RARB: variants seen among roughly 807,000 people sequenced by gnomAD.
The protein encoded by RARB is retinoic acid receptor beta, also known as HBV-activated protein.
Under a neutral mutation model 51.9 loss-of-function variants are expected in RARB, and 17 were observed. The observed-to-expected ratio is 0.33, with a 90% CI of 0.22 to 0.49. The LOEUF (loss-of-function observed/expected upper bound fraction) is 0.49. Ranked by LOEUF, RARB falls within the 20% of genes least tolerant of loss-of-function variation. RARB has a pLI of 0.99. For missense variants in RARB, 369 were observed against 550.8 expected (o/e 0.67, Z 3.30); for synonymous variants, 215 against 195.4 (o/e 1.10, Z -0.84).
chr3:25,356,301 AT>A (rs1705731746), intron 5 of RARB, among the ~76,000 whole-genome samples: 1 of 152,144 alleles, frequency 6.6e-6, no homozygotes, highest in Non-Finnish European at 1.5e-5. Context: ...ACAAAAGCTA[AT>A]TTTAACTATA....
intron 5 of RARB, among the ~76,000 whole-genome samples, chr3:25,308,607 C>A (rs1444510359): frequency 6.6e-6 from 1 of 152,048 alleles, no homozygotes; most frequent in African/African-American, 2.4e-5. Flanking sequence ...CATTGCCATG[C>A]CTGGCTAATT....
chr3:25,569,476 C>A (rs987685432), intron 3 of RARB, among the ~76,000 whole-genome samples: 2 of 152,212 alleles, frequency 1.3e-5, no homozygotes, highest in African/African-American at 4.8e-5. Flanking sequence ...AGAAAAAGTT[C>A]TCTCACAACA....
At chr3:24,903,878 T>A (rs932685263) in intron 2 of RARB, among the ~76,000 whole-genome samples, 10 of 152,184 alleles carry the variant, frequency 6.6e-5, no homozygotes, top group African/African-American at 2.4e-4. Flanking sequence ...AGAATTTTAA[T>A]GTGATAAGTT....
chr3:25,269,317 C>T (rs771289994), intron 5 of RARB, among the ~76,000 whole-genome samples: 8 of 152,126 alleles, frequency 5.3e-5, no homozygotes, highest in Non-Finnish European at 8.8e-5. Context: ...TATTCTTTAA[C>T]GTATATGCCC....
At chr3:25,577,566 T>A (rs1490798802) in intron 4 of RARB, among the ~76,000 whole-genome samples, 1 of 152,184 alleles carries the variant, frequency 6.6e-6, no homozygotes, top group Non-Finnish European at 1.5e-5. Context: ...ATTTCTTTAA[T>A]GAAAATTTAC....
intron 2 of RARB, among the ~76,000 whole-genome samples, chr3:25,042,154 A>T (rs185232922): frequency 1.5e-4 from 23 of 152,312 alleles, no homozygotes; most frequent in Admixed American, 7.2e-4. Flanking sequence ...CCATTTTTCT[A>T]AAAAAGCTGG....
At chr3:25,490,938 C>T (rs1022468886) in intron 2 of RARB, among the ~76,000 whole-genome samples, 5 of 152,214 alleles carry the variant, frequency 3.3e-5, no homozygotes, top group African/African-American at 1.2e-4. Flanking sequence ...TTAGAGGCTT[C>T]GTTTCCCCTT....
At chr3:25,161,345 C>A (rs1015310757) in intron 4 of RARB, among the ~76,000 whole-genome samples, 6 of 152,042 alleles carry the variant, frequency 3.9e-5, no homozygotes, top group African/African-American at 1.4e-4. Flanking sequence ...CCACGCCTGG[C>A]TGATGTCAAG....
At chr3:24,839,349 G>T (rs568298844) in intron 1 of RARB, among the ~76,000 whole-genome samples, 43 of 151,950 alleles carry the variant, frequency 2.8e-4, no homozygotes, top group African/African-American at 1.0e-3. Flanking sequence ...TTAGGTTTGG[G>T]TTTCCACAAG....
At chr3:25,335,259 C>G (rs1705030262) in intron 5 of RARB, among the ~76,000 whole-genome samples, 1 of 142,782 alleles carries the variant, frequency 7.0e-6, no homozygotes, top group Admixed American at 6.8e-5. Context: ...TTATCACTCT[C>G]TTATGTCTCT....
chr3:24,957,069 T>A (rs371644279), intron 2 of RARB, among the ~76,000 whole-genome samples: 2 of 152,284 alleles, frequency 1.3e-5, no homozygotes, highest in African/African-American at 2.4e-5. Context: ...AGGAGTAATA[T>A]TGAACAAGGT....
At chr3:25,172,619 G>A (rs1700666713) in intron 4 of RARB, among the ~76,000 whole-genome samples, 1 of 152,142 alleles carries the variant, frequency 6.6e-6, no homozygotes, top group African/African-American at 2.4e-5. Context: ...TTACTTCAAG[G>A]ACGTAAGCTT....
chr3:25,494,253 G>GCGCACACACACACACACA (rs1553623183), intron 2 of RARB, among the ~76,000 whole-genome samples: 4 of 131,852 alleles, frequency 3.0e-5, no homozygotes, highest in Admixed American at 7.4e-5. Context: ...TGTATCTTAC[G>GCGCACACACACACACACA]CACACACACA....
chr3:25,411,556 G>C (rs535813130), intron 5 of RARB, among the ~76,000 whole-genome samples: 253 of 152,318 alleles, frequency 1.7e-3, no homozygotes, highest in African/African-American at 5.8e-3. Flanking sequence ...GTTCCTCACT[G>C]CACAGAACAG....
chr3:25,127,640 G>A (rs1483996684), intron 3 of RARB, among the ~76,000 whole-genome samples: 3 of 152,038 alleles, frequency 2.0e-5, no homozygotes, highest in African/African-American at 4.8e-5. Context: ...GAGTGATGGG[G>A]AAAGGGGAAG....
At chr3:25,442,190 C>G (rs1183647725) in intron 1 of RARB, among the ~76,000 whole-genome samples, 1 of 151,424 alleles carries the variant, frequency 6.6e-6, no homozygotes, top group African/African-American at 2.4e-5. Context: ...GGCTGGAGTG[C>G]AGTGGTGCTA....
intron 5 of RARB, among the ~76,000 whole-genome samples, chr3:25,401,456 A>G (rs1212145560): frequency 2.6e-5 from 4 of 152,218 alleles, no homozygotes; most frequent in Non-Finnish European, 5.9e-5. Context: ...CCAGGAAAAA[A>G]CAGATAATAA....
chr3:24,960,836 T>C (rs1201785791), intron 2 of RARB, among the ~76,000 whole-genome samples: 1 of 152,122 alleles, frequency 6.6e-6, no homozygotes, highest in East Asian at 1.9e-4. Context: ...GAATAAGATG[T>C]ATGATTTCTG....
intron 5 of RARB, among the ~76,000 whole-genome samples, chr3:25,210,863 T>C (rs1701679631): frequency 6.6e-6 from 1 of 152,106 alleles, no homozygotes; most frequent in South Asian, 2.1e-4. Context: ...GGAAAACGTT[T>C]ACTGACTCTT....
Sources: gnomAD v4.1 joint callset for allele counts (sites outside exome capture counted in the v4.1 genomes callset) on GRCh38, gnomAD v4.1.1 for gene constraint, MANE v1.5 for transcripts, NCBI Gene and HGNC (gene_info 2026-07-23, HGNC 2026-07-21) for gene names.